DPP10: variants seen among roughly 807,000 people sequenced by gnomAD.
The protein encoded by DPP10 is dipeptidyl peptidase like 10.
In DPP10, 33 loss-of-function variants were observed where a neutral mutation model predicts 120.9. The ratio of observed to expected loss-of-function variants is 0.27; its 90% CI spans 0.21 to 0.37. The LOEUF (loss-of-function observed/expected upper bound fraction) is 0.37. DPP10 is among the 10% of genes least tolerant of loss of function. DPP10 has a pLI of 1.00. For missense variants in DPP10, 816 were observed against 942.8 expected, an observed-to-expected ratio of 0.87 and a Z score of 1.76; for synonymous variants, 337 against 326.1, an observed-to-expected ratio of 1.03 and a Z score of -0.36.
Position 114,666,481 on chromosome 2 carries a change from G to C in DPP10, c.60+223643G>C, listed in dbSNP as rs529934546. On this transcript the variant is annotated intron_variant, in intron 1 of 25. Coordinates refer to ENST00000410059, the MANE Select transcript of DPP10 (RefSeq NM_020868.6). ...ACATGAAGACCTAGACCTATTAGTA[G>C]GAGCCATATCATGGGTATTTAGCAA... Among the ~76,000 whole-genome samples the C allele has an allele frequency of 2.0e-4, 31 of 152,266 alleles. No individual in the cohort carries two copies. In the South Asian group the frequency reaches 6.4e-3, roughly 32 times the overall value.
At chr2:115,492,604 T>G (rs1429403777) in intron 3 of DPP10, among the ~76,000 whole-genome samples, 2 of 152,120 alleles carry the variant, frequency 1.3e-5, no homozygotes, top group Non-Finnish European at 2.9e-5. Context: ...AAGAAGGTTA[T>G]TTGCAACTTC....
chr2:114,607,793 T>C (rs1237470471), intron 1 of DPP10, among the ~76,000 whole-genome samples: 1 of 152,212 alleles, frequency 6.6e-6, no homozygotes, highest in Non-Finnish European at 1.5e-5. Context: ...TGTTTCCTCA[T>C]AGAGACTTTC....
intron 1 of DPP10, among the ~76,000 whole-genome samples, chr2:114,523,754 T>A (rs1027596098): frequency 2.0e-5 from 3 of 152,142 alleles, no homozygotes. Context: ...AGGGTCAGCC[T>A]CTTTAGCTAT....
chr2:115,665,701 AT>A (rs139727832), intron 5 of DPP10, among the ~76,000 whole-genome samples: 11,781 of 152,108 alleles, frequency 0.077, 646 homozygotes, highest in Non-Finnish European at 0.11. Context: ...ACGTTAGAAT[AT>A]TTTATATTGC....
At chr2:115,272,698 C>CT (rs1260827850) in intron 1 of DPP10, among the ~76,000 whole-genome samples, 2 of 152,218 alleles carry the variant, frequency 1.3e-5, no homozygotes, top group Admixed American at 1.3e-4. Context: ...ATTGTAGTTG[C>CT]TAATATAAAT....
intron 21 of DPP10, among the ~76,000 whole-genome samples, chr2:115,818,872 A>T (rs1288875321): frequency 1.3e-5 from 2 of 152,080 alleles, no homozygotes; most frequent in African/African-American, 2.4e-5. Flanking sequence ...GTGACATAGG[A>T]TACAAACAAG....
intron 3 of DPP10, among the ~76,000 whole-genome samples, chr2:115,450,562 C>A (rs1321697881): frequency 6.6e-6 from 1 of 151,850 alleles, no homozygotes; most frequent in East Asian, 1.9e-4. Context: ...GAAAAGCAAC[C>A]TTTGACAATA....
chr2:115,439,537 A>G (rs923301691), intron 3 of DPP10, among the ~76,000 whole-genome samples: 1 of 152,196 alleles, frequency 6.6e-6, no homozygotes, highest in Non-Finnish European at 1.5e-5. Flanking sequence ...TAACCACAGA[A>G]AACAACTTAC....
intron 1 of DPP10, among the ~76,000 whole-genome samples, chr2:115,171,879 A>G (rs1559181426): frequency 3.3e-5 from 5 of 152,172 alleles, no homozygotes; most frequent in Admixed American, 1.3e-4. Context: ...GTGCATATGC[A>G]TCTTCTGTAC....
intron 5 of DPP10, among the ~76,000 whole-genome samples, chr2:115,586,864 A>G (rs1273600957): frequency 6.6e-6 from 1 of 151,786 alleles, no homozygotes; most frequent in Non-Finnish European, 1.5e-5. Context: ...AACTTTTTTC[A>G]TTTTTTATTT....
At chr2:114,529,882 C>T (rs1685817776) in intron 1 of DPP10, among the ~76,000 whole-genome samples, 1 of 152,072 alleles carries the variant, frequency 6.6e-6, no homozygotes, top group South Asian at 2.1e-4. Flanking sequence ...TGTTGTTCTC[C>T]TCTATGTGTC....
chr2:114,899,972 A>G (rs960493187), intron 1 of DPP10, among the ~76,000 whole-genome samples: 1 of 152,196 alleles, frequency 6.6e-6, no homozygotes, highest in African/African-American at 2.4e-5. Flanking sequence ...AAAAACAAAC[A>G]AACAAAAAAG....
intron 2 of DPP10, among the ~76,000 whole-genome samples, chr2:115,326,530 G>A (rs1019621912): frequency 2.0e-5 from 3 of 151,808 alleles, no homozygotes; most frequent in Non-Finnish European, 4.4e-5. Context: ...ATAGCCTCAC[G>A]AATGTTCTTC....
intron 3 of DPP10, among the ~76,000 whole-genome samples, chr2:115,445,432 G>C (rs1206776825): frequency 6.6e-6 from 1 of 152,124 alleles, no homozygotes; most frequent in Non-Finnish European, 1.5e-5. Flanking sequence ...GAACAGTTTT[G>C]ACCAAAATGG....
chr2:115,377,212 T>G (rs1453160730), intron 3 of DPP10, among the ~76,000 whole-genome samples: 1 of 151,638 alleles, frequency 6.6e-6, no homozygotes, highest in East Asian at 1.9e-4. Flanking sequence ...CTCCAGCACC[T>G]GTTGTTTCCT....
chr2:115,624,757 A>C (rs1224232451), intron 5 of DPP10, among the ~76,000 whole-genome samples: 3 of 152,252 alleles, frequency 2.0e-5, no homozygotes, highest in Admixed American at 2.0e-4. Flanking sequence ...TCTGTTAGAA[A>C]GACAGCTTTT....
chr2:115,172,357 C>T (rs532161241), intron 1 of DPP10, among the ~76,000 whole-genome samples: 2 of 149,874 alleles, frequency 1.3e-5, no homozygotes, highest in South Asian at 4.2e-4. Context: ...GCACTCTAGC[C>T]TGGGCGACAG....
chr2:115,454,211 G>A lies in DPP10; in HGVS notation c.272-45299G>A, dbSNP rs941603023. On this transcript the variant is annotated intron_variant, in intron 3 of 25. Coordinates refer to ENST00000410059, the MANE Select transcript of DPP10 (RefSeq NM_020868.6). ...ACCATAAAAATGTATTTTATTAATA[G>A]GCTAGTGTAATCCTAATTCTCATAT... Among the ~76,000 whole-genome samples the A allele has an allele frequency of 4.6e-5, 7 of 151,410 alleles. 1 individual carries two copies. The Middle Eastern group carries it at 0.017, about 370-fold the overall frequency.
rs1695955032 is a variant in DPP10, at chr2:114,930,077, C to T, written c.61-379162C>T. On this transcript the variant is annotated intron_variant, in intron 1 of 25. Coordinates refer to ENST00000410059, the MANE Select transcript of DPP10 (RefSeq NM_020868.6). Reference sequence around the variant, plus strand: ...TGTCCCCAGAATCTATTCTGTCCTCCTAAGCCTCTGGGCTTGTGATGTGGG... The same window carrying T: ...TGTCCCCAGAATCTATTCTGTCCTCTTAAGCCTCTGGGCTTGTGATGTGGG... 2.0e-5 allele frequency among the ~76,000 whole-genome samples: 3 copies of T among 152,186 alleles called. No individual in the cohort carries two copies. In the South Asian group the frequency reaches 6.2e-4, roughly 31 times the overall value.
Sources: gnomAD v4.1 joint callset for allele counts (sites outside exome capture counted in the v4.1 genomes callset) on GRCh38, gnomAD v4.1.1 for gene constraint, MANE v1.5 for transcripts, NCBI Gene and HGNC (gene_info 2026-07-23, HGNC 2026-07-21) for gene names.